Variants in AP1AR observed in about 807,000 individuals in gnomAD.
AP1AR encodes the protein adaptor related protein complex 1 associated regulatory protein.
Under a neutral mutation model 46.3 loss-of-function variants are expected in AP1AR, and 29 were observed. The observed-to-expected ratio is 0.63, with a 90% CI of 0.47 to 0.85. The LOEUF is 0.85. Among genes scored for constraint, AP1AR ranks in the 40% least tolerant of loss-of-function variants. AP1AR has a pLI of 0.00. For missense variants in AP1AR, 357 were observed against 356.3 expected (o/e 1.00, Z -0.02); for synonymous variants, 122 against 122.9 (o/e 0.99, Z 0.05).
chr4:112,263,177 T>A, intron 6 of AP1AR, 91 bp downstream of exon 6: 1 of 955,010 alleles, frequency 1.0e-6, no homozygotes, highest in Non-Finnish European at 1.6e-6. Flanking sequence ...TTTCCTATTC[T>A]CAAGGACTTC....
At chr4:112,261,217 G>C (rs1246402551) in intron 5 of AP1AR, among the ~76,000 whole-genome samples, 1 of 152,182 alleles carries the variant, frequency 6.6e-6, no homozygotes, top group African/African-American at 2.4e-5. Flanking sequence ...CAGATTGCTT[G>C]AGCCCAAGAG....
At chr4:112,245,233 A>G (rs931249375) in intron 1 of AP1AR, among the ~76,000 whole-genome samples, 4 of 152,284 alleles carry the variant, frequency 2.6e-5, no homozygotes, top group African/African-American at 9.6e-5. Flanking sequence ...GCATAATACA[A>G]TTAAACTTAT....
chr4:112,265,860 G>C lies in AP1AR; in HGVS notation c.514+53G>C, dbSNP rs989875378. ...TTTTTATGCCACAGTAAACAGATAA[G>C]TAGAGATTCTGGCTCTGTTTCTGTA... is the stretch of plus-strand genomic sequence containing the variant. On this transcript the variant is annotated intron_variant, in intron 8 of 9. Transcript: ENST00000274000. The C allele has an allele frequency of 2.6e-6, 3 of 1,160,402 alleles. No individual in the cohort carries two copies. In the African/African-American group the frequency reaches 4.7e-5, roughly 18 times the overall value. The allele number at this position is 1,160,402 out of a possible 1,614,324, so 71.9% of individuals were successfully genotyped here. A position where few individuals can be genotyped will look rare whatever the true frequency, so the allele number is the denominator to read the frequency against.
At chr4:112,232,803 G>C (rs1438617029) in intron 1 of AP1AR, among the ~76,000 whole-genome samples, 3 of 152,182 alleles carry the variant, frequency 2.0e-5, no homozygotes, top group Non-Finnish European at 2.9e-5. Flanking sequence ...GAAATTTCGA[G>C]AGGAATTCCT....
At position 112,247,009 on chromosome 4, in the gene AP1AR, A is replaced by G. The variant is rs182990097; in HGVS notation, c.84-6199A>G. Among the ~76,000 whole-genome samples, 11 of 152,350 alleles carry G rather than the reference A, an allele frequency of 7.2e-5. No homozygotes were observed. In the East Asian group the frequency reaches 2.1e-3, roughly 29 times the overall value. ...TTAAGTTAACTTAGCATGTGAAGGT[A>G]ACTGATCCATGATGTATTGTTTGTA... On this transcript the variant is annotated intron_variant, in intron 1 of 9. Transcript: ENST00000274000.
intron 1 of AP1AR, among the ~76,000 whole-genome samples, chr4:112,246,854 T>C (rs1348288254): frequency 6.6e-6 from 1 of 152,214 alleles, no homozygotes; most frequent in Admixed American, 6.5e-5. Flanking sequence ...CTACAGAGTT[T>C]GGCTGAACTC....
intron 4 of AP1AR, among the ~76,000 whole-genome samples, chr4:112,258,356 C>T (rs990467976): frequency 1.3e-5 from 2 of 152,158 alleles, no homozygotes; most frequent in Non-Finnish European, 2.9e-5. Context: ...TATTAAGCAA[C>T]TGTCGTGTGC....
chr4:112,241,235 A>C (rs1725484633), intron 1 of AP1AR, among the ~76,000 whole-genome samples: 1 of 152,142 alleles, frequency 6.6e-6, no homozygotes, highest in Non-Finnish European at 1.5e-5. Context: ...TATGATTATT[A>C]TTACTACCTG....
intron 9 of AP1AR, 101 bp from the exon 10 acceptor site, chr4:112,268,043 G>T: frequency 1.6e-6 from 2 of 1,228,004 alleles, no homozygotes; most frequent in Non-Finnish European, 2.2e-6. Context: ...CACACATCAA[G>T]TCTGATAGTT....
chr4:112,257,166 A>C (rs1726234239), intron 3 of AP1AR, among the ~76,000 whole-genome samples: 1 of 152,210 alleles, frequency 6.6e-6, no homozygotes, highest in Non-Finnish European at 1.5e-5. Flanking sequence ...CAAAAATGCA[A>C]ACAGTGTGGC....
chr4:112,266,556 G>T, intron 8 of AP1AR, 32 bp from the exon 9 acceptor site: 1 of 1,600,796 alleles, frequency 6.2e-7, no homozygotes, highest in South Asian at 1.1e-5. Context: ...GAGTAGATGA[G>T]AGTATTCAAT....
chr4:112,232,293 CACT>C (rs1725046085), intron 1 of AP1AR, 119 bp downstream of exon 1: 1 of 836,050 alleles, frequency 1.2e-6, no homozygotes, highest in East Asian at 3.3e-5. Context: ...CTGCTACACT[CACT>C]GCTTAGCAGA....
Position 112,272,942 on chromosome 4 carries a change from A to T in AP1AR, c.*4533A>T, listed in dbSNP as rs1241797014. On this transcript the variant is annotated 3_prime_UTR_variant, in exon 10 of 10. Coordinates refer to ENST00000274000, the MANE Select transcript of AP1AR (RefSeq NM_018569.6). ...AATTTCTTGAGAATACAGACATCTA[A>T]AAAAGATTTTATGTTAAATATGTAG... 6.6e-6 allele frequency: 1 copy of T among 152,036 alleles called. No individual in the cohort carries two copies. Among genetic ancestry groups the T allele is most frequent in the Non-Finnish European group, 1.5e-5 (1 of 67,986 alleles). The allele number at this position is 152,036 out of a possible 1,614,324, so 9.4% of individuals were successfully genotyped here.
chr4:112,271,823 A>G lies in AP1AR; in HGVS notation c.*3414A>G, dbSNP rs971695832. 6.6e-6 allele frequency among the ~76,000 whole-genome samples: 1 copy of G among 152,248 alleles called. No individual in the cohort carries two copies. Among genetic ancestry groups the G allele is most frequent in the African/African-American group, 2.4e-5 (1 of 41,462 alleles). Reference sequence around the variant, plus strand: ...TCTAGGTTCAAGTTTGGGAGTCATTAGTAGGAAAATGGTATTTTAAGTCAT... The same window carrying G: ...TCTAGGTTCAAGTTTGGGAGTCATTGGTAGGAAAATGGTATTTTAAGTCAT... On this transcript the variant is annotated 3_prime_UTR_variant, in exon 10 of 10. Transcript: ENST00000274000.
At chr4:112,232,483 T>A (rs576498140) in intron 1 of AP1AR, among the ~76,000 whole-genome samples, 1 of 152,316 alleles carries the variant, frequency 6.6e-6, no homozygotes, top group Admixed American at 6.5e-5. Context: ...GCTAATGGGC[T>A]GTAGGACCGG....
intron 1 of AP1AR, among the ~76,000 whole-genome samples, chr4:112,244,742 CTGT>C (rs1226713429): frequency 6.6e-6 from 1 of 152,090 alleles, no homozygotes; most frequent in East Asian, 1.9e-4. Flanking sequence ...TTGCCATTTT[CTGT>C]TGTTGTTTCC....
intron 1 of AP1AR, among the ~76,000 whole-genome samples, chr4:112,251,849 AT>A (rs1268670822): frequency 6.6e-6 from 1 of 152,258 alleles, no homozygotes; most frequent in Non-Finnish European, 1.5e-5. Context: ...TTAGTGGACA[AT>A]AACACAGATT....
chr4:112,255,205 A>C (rs111548394), intron 3 of AP1AR, among the ~76,000 whole-genome samples: 7 of 151,988 alleles, frequency 4.6e-5, no homozygotes, highest in African/African-American at 1.2e-4. Context: ...GTGATCCGCC[A>C]GCCTCGGCCT....
chr4:112,239,927 A>G (rs1725413497), intron 1 of AP1AR, among the ~76,000 whole-genome samples: 1 of 152,254 alleles, frequency 6.6e-6, no homozygotes, highest in East Asian at 1.9e-4. Context: ...GACTGAGTGA[A>G]TAGACTATCA....
Sources: allele counts gnomAD v4.1 joint callset (sites outside exome capture counted in the v4.1 genomes callset), GRCh38; gene constraint gnomAD v4.1.1; transcripts MANE v1.5; gene names NCBI Gene and HGNC (gene_info 2026-07-23, HGNC 2026-07-21).